DMXL2: variants seen among roughly 807,000 people sequenced by gnomAD.
The protein encoded by DMXL2 is dmX-like protein 2.
In DMXL2, 103 loss-of-function variants were observed where a neutral mutation model predicts 331.1. The observed-to-expected ratio is 0.31, with a 90% CI of 0.27 to 0.37. DMXL2 has a LOEUF of 0.37. DMXL2 is among the 10% of genes least tolerant of loss of function. DMXL2 has a pLI of 1.00. For missense variants in DMXL2, 3,171 were observed against 3,642.9 expected (o/e 0.87, Z 3.33); for synonymous variants, 1,281 against 1,252.1 (o/e 1.02, Z -0.49).
At chr15:51,500,666 C>T (rs368529665) in intron 17 of DMXL2, among the ~76,000 whole-genome samples, 1 of 152,166 alleles carries the variant, frequency 6.6e-6, no homozygotes, top group Non-Finnish European at 1.5e-5. Flanking sequence ...CTTTCAAATG[C>T]CCCTAACCTT....
chr15:51,491,419 C>T (rs1174564769), intron 20 of DMXL2, among the ~76,000 whole-genome samples, 159 bp downstream of exon 20: 1 of 151,322 alleles, frequency 6.6e-6, no homozygotes, highest in Non-Finnish European at 1.5e-5. Flanking sequence ...CCAGCCTAGG[C>T]GACAAGAGCG....
At chr15:51,588,286 T>C (rs1261037247) in intron 1 of DMXL2, among the ~76,000 whole-genome samples, 1 of 151,858 alleles carries the variant, frequency 6.6e-6, no homozygotes, top group Non-Finnish European at 1.5e-5. Context: ...GCCTCCCAAA[T>C]AGCTAGGACC....
Position 51,498,347 on chromosome 15 carries a change from A to G in DMXL2, c.4672+205T>C, listed in dbSNP as rs74347805. 9.5e-3 allele frequency among the ~76,000 whole-genome samples: 1,450 copies of G among 152,326 alleles called. 18 individuals carry two copies. The highest frequency in any genetic ancestry group is 0.033 in the African/African-American group (1,379 of 41,574). On this transcript the variant is annotated intron_variant, in intron 18 of 43. Coordinates refer to ENST00000560891, the MANE Select transcript of DMXL2 (RefSeq NM_001378457.1). ...AAAACTCATGAGAGAATGCACATGG[A>G]TCTCACAAATCCATGCATTCATATG...
chr15:51,456,094 C>G lies in DMXL2; in HGVS notation c.8498G>C (p.Arg2833Thr). 1 of 1,614,174 alleles carries G rather than the reference C, an allele frequency of 6.2e-7. No individual in the cohort carries two copies. The highest frequency in any genetic ancestry group is 8.5e-7 in the Non-Finnish European group (1 of 1,180,028). ...FRQAGNARVTRLYFNSQGNKC... is the reference protein window; with the variant it reads ...FRQAGNARVTTLYFNSQGNKC... ...GTTGCCTTGTGAATTAAAATATAAT[C>G]TAGTAACTCTTGCATTGCCAGCTTG... The change falls in exon 39 of 44, where the codon AGA becomes ACA. Residue 2833 changes from arginine (R) to threonine (T), a missense_variant. Around this residue, in one of 7 missense-constraint regions of DMXL2, gnomAD observed 766 missense variants for 940.5 expected, o/e 0.81. Coordinates refer to ENST00000560891, the MANE Select transcript of DMXL2 (RefSeq NM_001378457.1).
At chr15:51,524,949 A>C (rs2047584544) in intron 13 of DMXL2, among the ~76,000 whole-genome samples, 1 of 151,770 alleles carries the variant, frequency 6.6e-6, no homozygotes, top group African/African-American at 2.4e-5. Flanking sequence ...TCCCTTCCCT[A>C]ACCCCAGGCT....
chr15:51,481,456 A>G lies in DMXL2; in HGVS notation c.5650T>C (p.Leu1884=). Residue 1884 remains leucine (L), a synonymous_variant, in exon 24 of 44, where the codon TTA becomes CTA. Transcript: ENST00000560891. ...TGAGCATTTGCAGTGGTAAAGAATAATTTTCTTTCTATGAGGTTAATTTTA... is the reference window on the plus strand; with the variant it reads ...TGAGCATTTGCAGTGGTAAAGAATAGTTTTCTTTCTATGAGGTTAATTTTA... ...VDKINLIERK[L]FFTTANAHFK... 1 of 1,612,770 alleles carries G rather than the reference A, an allele frequency of 6.2e-7. No individual in the cohort carries two copies. Among genetic ancestry groups the G allele is most frequent in the Non-Finnish European group, 8.5e-7 (1 of 1,179,454 alleles).
rs540802948 is a variant in DMXL2, at chr15:51,525,304, A to G, written c.2437-8137T>C. Among the ~76,000 whole-genome samples the G allele has an allele frequency of 2.0e-5, 3 of 152,002 alleles. No homozygotes were observed. In the South Asian group the frequency reaches 6.2e-4, roughly 32 times the overall value. On this transcript the variant is annotated intron_variant, in intron 13 of 43. Coordinates refer to ENST00000560891, the MANE Select transcript of DMXL2 (RefSeq NM_001378457.1). ...CTGAGACTGGCTGGCTTGAGGTGAG[A>G]CTCGGCACATTCCCAGCTATGGTAG...
chr15:51,587,095 G>T (rs532906324), intron 1 of DMXL2, among the ~76,000 whole-genome samples: 1 of 152,038 alleles, frequency 6.6e-6, no homozygotes, highest in African/African-American at 2.4e-5. Context: ...CTTGGAGTAT[G>T]TAACAATTTG....
At chr15:51,496,059 G>A (rs1300892199) in intron 18 of DMXL2, among the ~76,000 whole-genome samples, 1 of 151,902 alleles carries the variant, frequency 6.6e-6, no homozygotes, top group African/African-American at 2.4e-5. Context: ...TGCCCAAGAT[G>A]GTCTAAAAGT....
chr15:51,498,807 G>C lies in DMXL2; in HGVS notation c.4417C>G (p.Gln1473Glu). The C allele has an allele frequency of 6.2e-7, 1 of 1,614,154 alleles. No homozygotes were observed. The highest frequency in any genetic ancestry group is 8.5e-7 in the Non-Finnish European group (1 of 1,180,020). ...QPEDQYSELF[Q>E]IQDIPTDDID... ...TCATCCGTTGGTATATCCTGGATTT[G>C]AAACAGCTCTGAATACTGATCCTCT... is the stretch of plus-strand genomic sequence containing the variant. Residue 1473 changes from glutamine to glutamate, a missense_variant, in exon 18 of 44, where the codon CAA becomes GAA. By Grantham distance (29) the Gln-to-Glu change is conservative. This residue lies in a region of DMXL2 where 1,674 missense variants were observed against 1,780.2 expected (regional missense o/e 0.94). Coordinates refer to ENST00000560891, the MANE Select transcript of DMXL2 (RefSeq NM_001378457.1).
At chr15:51,542,831 A>C (rs1261232700) in intron 8 of DMXL2, among the ~76,000 whole-genome samples, 1 of 151,998 alleles carries the variant, frequency 6.6e-6, no homozygotes, top group Non-Finnish European at 1.5e-5. Flanking sequence ...TTTTCTAGTC[A>C]TAAGAGTAAA....
chr15:51,465,526 A>G, intron 31 of DMXL2, 40 bp downstream of exon 31: 1 of 1,427,724 alleles, frequency 7.0e-7, no homozygotes, highest in South Asian at 1.2e-5. Flanking sequence ...ACGGCAATTT[A>G]TTATACTTAA....
chr15:51,502,935 T>A lies in DMXL2; in HGVS notation c.2863A>T (p.Met955Leu). Residue 955 changes from methionine (M) to leucine (L), a missense_variant, in exon 17 of 44, where the codon ATG (methionine) becomes TTG (leucine). Around this residue, in one of 7 missense-constraint regions of DMXL2, gnomAD observed 1,674 missense variants for 1,780.2 expected, o/e 0.94. Transcript: ENST00000560891. The part of the protein sequence containing the change: ...SPETSPSVSP[M>L]PHSSSIANLQ... ...TTGGCAATTGATGAAGAATGTGGCA[T>A]GGGGCTCACACTAGGAGAGGTTTCT... The A allele has an allele frequency of 6.2e-7, 1 of 1,614,122 alleles. No individual in the cohort carries two copies. Among genetic ancestry groups the A allele is most frequent in the African/African-American group, 1.3e-5 (1 of 75,046 alleles).
chr15:51,609,948 C>T (rs1279020191), intron 1 of DMXL2, among the ~76,000 whole-genome samples: 1 of 148,228 alleles, frequency 6.7e-6, no homozygotes, highest in African/African-American at 2.5e-5. Context: ...AAAAAAAAAA[C>T]TATCTAGGTT....
intron 1 of DMXL2, among the ~76,000 whole-genome samples, chr15:51,586,025 C>A (rs1388539615): frequency 4.6e-5 from 7 of 152,146 alleles, no homozygotes; most frequent in Non-Finnish European, 1.0e-4. Context: ...TGAATAAGTT[C>A]TTTTGTCCAC....
At chr15:51,573,654 T>C (rs1424682119) in intron 2 of DMXL2, among the ~76,000 whole-genome samples, 1 of 151,052 alleles carries the variant, frequency 6.6e-6, no homozygotes. Flanking sequence ...CGAGAACACA[T>C]GGACACTGGG....
At chr15:51,596,840 A>T (rs575155490) in intron 1 of DMXL2, among the ~76,000 whole-genome samples, 15 of 152,256 alleles carry the variant, frequency 9.9e-5, no homozygotes, top group African/African-American at 3.1e-4. Flanking sequence ...CAAACACCGC[A>T]TGTTCTCACT....
intron 13 of DMXL2, among the ~76,000 whole-genome samples, chr15:51,527,107 A>C (rs1006661804): frequency 6.6e-6 from 1 of 152,214 alleles, no homozygotes; most frequent in Non-Finnish European, 1.5e-5. Context: ...TCAAACTCCC[A>C]AAAGTCAAGG....
chr15:51,464,582 T>C, intron 32 of DMXL2, 93 bp downstream of exon 32: 1 of 1,031,044 alleles, frequency 9.7e-7, no homozygotes, highest in Non-Finnish European at 1.4e-6. Context: ...TTCAAAATTA[T>C]GAATGTTTTA....
Sources: allele counts gnomAD v4.1 joint callset (sites outside exome capture counted in the v4.1 genomes callset), GRCh38; gene constraint gnomAD v4.1.1; regional missense constraint gnomAD v4.1.1; transcripts MANE v1.5; gene names NCBI Gene and HGNC (gene_info 2026-07-23, HGNC 2026-07-21).